Variants in TMEM117 observed in about 807,000 individuals in gnomAD.
The protein encoded by TMEM117 is transmembrane protein 117.
A neutral mutation model predicts 52.4 loss-of-function variants in TMEM117; 27 were observed. The ratio of observed to expected loss-of-function variants is 0.51; its 90% CI spans 0.38 to 0.71. The LOEUF is 0.71. Among genes scored for constraint, TMEM117 ranks in the 30% least tolerant of loss-of-function variants. The pLI is 0.00. For synonymous variants in TMEM117, 215 were observed against 206.3 expected (o/e 1.04, Z -0.36); for missense variants, 556 against 630.5 (o/e 0.88, Z 1.26).
chr12:44,364,688 A>C (rs1429610029), intron 6 of TMEM117, among the ~76,000 whole-genome samples: 1 of 152,152 alleles, frequency 6.6e-6, no homozygotes, highest in African/African-American at 2.4e-5. Context: ...ATTGATATAC[A>C]AACAAGGAAG....
chr12:43,870,244 A>G (rs745783063), intron 2 of TMEM117, among the ~76,000 whole-genome samples: 1 of 149,480 alleles, frequency 6.7e-6, no homozygotes, highest in Non-Finnish European at 1.5e-5. Context: ...ATAGTGCTGC[A>G]GTGTGCATGT....
At chr12:44,292,267 T>C (rs1249638794) in intron 5 of TMEM117, among the ~76,000 whole-genome samples, 1 of 152,042 alleles carries the variant, frequency 6.6e-6, no homozygotes, top group African/African-American at 2.4e-5. Flanking sequence ...GAGTAGTCTC[T>C]TATGACCCTT....
intron 4 of TMEM117, among the ~76,000 whole-genome samples, chr12:44,151,938 T>C (rs1265346060): frequency 1.5e-5 from 2 of 129,068 alleles, no homozygotes; most frequent in Admixed American, 9.0e-5. Context: ...TTATATATTA[T>C]ATTATATTAC....
chr12:44,286,124 C>T lies in TMEM117; in HGVS notation c.609-13456C>T, dbSNP rs375148889. Among the ~76,000 whole-genome samples the T allele has an allele frequency of 5.3e-5, 8 of 151,938 alleles. No homozygotes were observed. The East Asian group carries it at 1.5e-3, about 29-fold the overall frequency. On this transcript the variant is annotated intron_variant, in intron 5 of 7. Transcript: ENST00000266534. ...TGTAAGAAACTGATACATTATTTGACTTTTTTGGTTGCATTCCAACATTTT... is the reference window on the plus strand; with the variant it reads ...TGTAAGAAACTGATACATTATTTGATTTTTTTGGTTGCATTCCAACATTTT...
chr12:44,304,549 C>A (rs1039261213), intron 6 of TMEM117, among the ~76,000 whole-genome samples: 2 of 152,166 alleles, frequency 1.3e-5, no homozygotes, highest in African/African-American at 4.8e-5. Flanking sequence ...CAGCTCACAG[C>A]TCCAGGACAG....
intron 6 of TMEM117, among the ~76,000 whole-genome samples, chr12:44,307,822 G>A (rs762798445): frequency 3.9e-5 from 6 of 152,226 alleles, no homozygotes; most frequent in Non-Finnish European, 7.3e-5. Context: ...TGTCCTAACA[G>A]GTGGCCCATG....
intron 5 of TMEM117, among the ~76,000 whole-genome samples, chr12:44,270,264 G>T (rs899510659): frequency 3.9e-5 from 6 of 152,064 alleles, no homozygotes; most frequent in African/African-American, 1.4e-4. Flanking sequence ...ACAGAAAGAG[G>T]TTGTTAATAG....
the TMEM117 span, among the ~76,000 whole-genome samples, chr12:43,814,731 T>A: frequency 1.3e-5 from 2 of 150,372 alleles, no homozygotes; most frequent in Non-Finnish European, 3.0e-5. Context: ...CAGTCCTGGG[T>A]TTGAATCTTT....
intron 5 of TMEM117, among the ~76,000 whole-genome samples, chr12:44,257,441 A>G (rs1333659354): frequency 6.6e-6 from 1 of 152,052 alleles, no homozygotes; most frequent in Non-Finnish European, 1.5e-5. Flanking sequence ...CCTTTTAGCC[A>G]TCTCCAGTAG....
intron 5 of TMEM117, among the ~76,000 whole-genome samples, chr12:44,290,783 A>G (rs1950693974): frequency 1.3e-5 from 2 of 152,068 alleles, no homozygotes; most frequent in African/African-American, 2.4e-5. Flanking sequence ...GGCTATAAGC[A>G]TGCACCATCA....
intron 5 of TMEM117, among the ~76,000 whole-genome samples, chr12:44,241,007 T>C (rs1160588479): frequency 1.3e-5 from 2 of 152,134 alleles, no homozygotes; most frequent in African/African-American, 2.4e-5. Flanking sequence ...TCCGTGTGAA[T>C]TGGTTTCAGA....
At position 44,063,467 on chromosome 12, in the gene TMEM117, CT is replaced by C. The variant is rs930061860; in HGVS notation, c.411-80048del. Among the ~76,000 whole-genome samples, 311 of 148,540 alleles carry C rather than the reference CT, an allele frequency of 2.1e-3. 2 individuals carry two copies. Among genetic ancestry groups the C allele is most frequent in the Admixed American group, 0.015 (220 of 14,860 alleles). On this transcript the variant is annotated intron_variant, in intron 3 of 7. Transcript: ENST00000266534. ...AAATTTGTCAATCCTAGGTTTGTTT[CT>C]TTTTTTTTTATTATTATACTTTAAG...
intron 4 of TMEM117, among the ~76,000 whole-genome samples, chr12:44,169,076 C>T (rs73290256): frequency 0.078 from 11,791 of 152,078 alleles, 1,370 homozygotes; most frequent in African/African-American, 0.26. Context: ...TGTATGTATA[C>T]TAAATTTTGT....
intron 3 of TMEM117, among the ~76,000 whole-genome samples, chr12:44,011,254 G>A (rs574119404): frequency 7.9e-5 from 12 of 152,084 alleles, no homozygotes; most frequent in Admixed American, 2.0e-4. Context: ...GACTTCTAGC[G>A]GATGCTTGAA....
chr12:44,069,960 G>A (rs1302448871), intron 3 of TMEM117, among the ~76,000 whole-genome samples: 3 of 152,144 alleles, frequency 2.0e-5, no homozygotes, highest in Non-Finnish European at 4.4e-5. Context: ...CACGGGCTTG[G>A]CTCACTGCAA....
chr12:44,258,742 A>C (rs1012562769), intron 5 of TMEM117, among the ~76,000 whole-genome samples: 1 of 152,150 alleles, frequency 6.6e-6, no homozygotes, highest in African/African-American at 2.4e-5. Flanking sequence ...ATCACATATA[A>C]ACTTTACAGA....
intron 3 of TMEM117, among the ~76,000 whole-genome samples, chr12:44,000,519 A>G (rs78936216): frequency 0.02 from 3,043 of 152,102 alleles, 97 homozygotes; most frequent in African/African-American, 0.068. Flanking sequence ...CAGGCCCCAG[A>G]GGTGAGGACT....
At chr12:44,378,456 G>A (rs1951973324) in intron 7 of TMEM117, among the ~76,000 whole-genome samples, 1 of 152,038 alleles carries the variant, frequency 6.6e-6, no homozygotes, top group African/African-American at 2.4e-5. Flanking sequence ...TCAGTGCCTC[G>A]GAAGGGGGCT....
intron 5 of TMEM117, among the ~76,000 whole-genome samples, chr12:44,213,258 C>G (rs1442307005): frequency 6.6e-6 from 1 of 152,130 alleles, no homozygotes; most frequent in Non-Finnish European, 1.5e-5. Context: ...GACTCCAGAG[C>G]CCTAGTTTGT....
Sources: allele counts gnomAD v4.1 joint callset (sites outside exome capture counted in the v4.1 genomes callset), GRCh38; gene constraint gnomAD v4.1.1; transcripts MANE v1.5; gene names NCBI Gene and HGNC (gene_info 2026-07-23, HGNC 2026-07-21).